OTOGL: variants seen among roughly 807,000 people sequenced by gnomAD.
OTOGL encodes otogelin-like protein.
OTOGL carries 285 observed loss-of-function variants against 318.5 expected under a neutral mutation model. The ratio of observed to expected loss-of-function variants is 0.89; its 90% CI spans 0.81 to 0.99. The LOEUF is 0.99. Ranked by LOEUF, OTOGL falls within the 50% of genes least tolerant of loss-of-function variation. The probability of loss-of-function intolerance (pLI) is 0.00; values close to 1 mark genes in which losing one functional copy is unlikely to be tolerated. For missense variants in OTOGL, 2,899 were observed against 2,845.6 expected, an observed-to-expected ratio of 1.02 and a Z score of -0.43; for synonymous variants, 987 against 936.5, an observed-to-expected ratio of 1.05 and a Z score of -0.99.
At chr12:80,341,050 T>C (rs1888739173) in intron 43 of OTOGL, among the ~76,000 whole-genome samples, 1 of 151,934 alleles carries the variant, frequency 6.6e-6, no homozygotes, top group African/African-American at 2.4e-5. Context: ...TAAGATTTGA[T>C]GTTTGAAGAA....
chr12:80,275,127 C>T (rs923890348), intron 24 of OTOGL, among the ~76,000 whole-genome samples: 1 of 151,872 alleles, frequency 6.6e-6, no homozygotes, highest in Non-Finnish European at 1.5e-5. Flanking sequence ...CAGGGCTATA[C>T]CTGCCATAGA....
chr12:80,315,913 C>A (rs1374313164), intron 32 of OTOGL, among the ~76,000 whole-genome samples: 1 of 152,118 alleles, frequency 6.6e-6, no homozygotes, highest in Non-Finnish European at 1.5e-5. Context: ...CACTTCACAT[C>A]AATCTTTGGA....
intron 1 of OTOGL, among the ~76,000 whole-genome samples, chr12:80,143,663 G>A (rs1050383765): frequency 3.9e-5 from 6 of 152,130 alleles, no homozygotes; most frequent in African/African-American, 1.2e-4. Context: ...TCATTTCAGA[G>A]GTGTTTGTTT....
intron 24 of OTOGL, among the ~76,000 whole-genome samples, chr12:80,273,938 G>A (rs1883602331): frequency 6.6e-6 from 1 of 152,002 alleles, no homozygotes; most frequent in Non-Finnish European, 1.5e-5. Flanking sequence ...TCCACAAATG[G>A]TGCCCATATA....
chr12:80,156,139 A>G (rs1169610522), intron 1 of OTOGL, among the ~76,000 whole-genome samples: 2 of 152,182 alleles, frequency 1.3e-5, no homozygotes, highest in Non-Finnish European at 2.9e-5. Context: ...CGAAAGGCAG[A>G]CCCTATCCTC....
intron 1 of OTOGL, among the ~76,000 whole-genome samples, chr12:80,114,183 AG>A (rs1380940846): frequency 6.6e-6 from 1 of 152,128 alleles, no homozygotes; most frequent in Non-Finnish European, 1.5e-5. Context: ...TGTGCCCGTT[AG>A]TTGATGTAGT....
intron 18 of OTOGL, among the ~76,000 whole-genome samples, chr12:80,258,548 A>G (rs1003476214): frequency 1.3e-5 from 2 of 152,104 alleles, no homozygotes; most frequent in African/African-American, 2.4e-5. Flanking sequence ...ACATATTTGT[A>G]CCCCTTGTAT....
At position 80,342,289 on chromosome 12, in the gene OTOGL, G is replaced by A. The variant is rs1592730886; in HGVS notation, c.5265+127G>A. On this transcript the variant is annotated intron_variant, in intron 44 of 58. Coordinates refer to ENST00000547103, the MANE Select transcript of OTOGL (RefSeq NM_001378609.3). The stretch of plus-strand genomic sequence containing the variant: ...AAAACCCCCAACCTTCTGTCAGTAT[G>A]CTTTGGAATTCAGAATCACTTATTG... 3 of 675,384 alleles carry A rather than the reference G, an allele frequency of 4.4e-6. No individual in the cohort carries two copies. The East Asian group carries it at 8.4e-5, about 19-fold the overall frequency. 41.8% of individuals were successfully genotyped at this position (675,384 alleles called of 1,614,324 possible).
At chr12:80,279,474 T>C (rs1884056929) in intron 26 of OTOGL, among the ~76,000 whole-genome samples, 1 of 151,554 alleles carries the variant, frequency 6.6e-6, no homozygotes, top group East Asian at 1.9e-4. Context: ...TAGGCCCCAA[T>C]GTCTATTATT....
chr12:80,266,727 C>A, intron 21 of OTOGL, 111 bp downstream of exon 21: 1 of 937,022 alleles, frequency 1.1e-6, no homozygotes, highest in Non-Finnish European at 1.5e-6. Context: ...ATTGTCTTTA[C>A]TTTTTTTTTT....
chr12:80,358,213 T>C, intron 49 of OTOGL, 35 bp from the exon 50 acceptor site: 1 of 1,378,560 alleles, frequency 7.3e-7, no homozygotes, highest in Non-Finnish European at 1.0e-6. Flanking sequence ...GGTTTTTAGC[T>C]CAGCTGTGAT....
chr12:80,289,763 C>T (rs1884906770), intron 26 of OTOGL, among the ~76,000 whole-genome samples: 1 of 152,298 alleles, frequency 6.6e-6, no homozygotes, highest in African/African-American at 2.4e-5. Context: ...GGTCAATCGT[C>T]CCAGGTTAAC....
At chr12:80,195,885 G>T (rs1387579813) in intron 1 of OTOGL, among the ~76,000 whole-genome samples, 2 of 152,208 alleles carry the variant, frequency 1.3e-5, no homozygotes, top group African/African-American at 2.4e-5. Context: ...CCCAGTGGAG[G>T]TTGTTAAACG....
intron 1 of OTOGL, among the ~76,000 whole-genome samples, chr12:80,203,791 A>G (rs1219234592): frequency 6.6e-6 from 1 of 152,174 alleles, no homozygotes; most frequent in Non-Finnish European, 1.5e-5. Flanking sequence ...TAATTTTCTC[A>G]AGAAGCTAGA....
At chr12:80,146,159 GT>G (rs1872340816) in intron 1 of OTOGL, among the ~76,000 whole-genome samples, 1 of 148,682 alleles carries the variant, frequency 6.7e-6, no homozygotes, top group Non-Finnish European at 1.5e-5. Flanking sequence ...AATGCTTCCA[GT>G]TTTTGCCCAT....
intron 1 of OTOGL, among the ~76,000 whole-genome samples, chr12:80,200,020 A>G (rs1479871353): frequency 6.6e-6 from 1 of 152,216 alleles, no homozygotes; most frequent in East Asian, 1.9e-4. Flanking sequence ...CTATAAGCAC[A>G]TCAGGAAAAG....
At chr12:80,123,382 T>C (rs1870607215) in intron 1 of OTOGL, among the ~76,000 whole-genome samples, 2 of 152,264 alleles carry the variant, frequency 1.3e-5, no homozygotes, top group South Asian at 2.1e-4. Flanking sequence ...TTTAAGGCTG[T>C]GTAGTATTCT....
chr12:80,194,964 C>T (rs1291111406), intron 1 of OTOGL, among the ~76,000 whole-genome samples: 1 of 152,060 alleles, frequency 6.6e-6, no homozygotes, highest in Non-Finnish European at 1.5e-5. Flanking sequence ...TTTGACTTAA[C>T]CCTATTACTT....
At chr12:80,300,609 C>A (rs745336965) in intron 27 of OTOGL, among the ~76,000 whole-genome samples, 34 of 152,152 alleles carry the variant, frequency 2.2e-4, no homozygotes, top group Non-Finnish European at 4.4e-4. Context: ...GAGCAAGGAA[C>A]CGTCCTTGCT....
Sources: gnomAD v4.1 joint callset for allele counts (sites outside exome capture counted in the v4.1 genomes callset) on GRCh38, gnomAD v4.1.1 for gene constraint, MANE v1.5 for transcripts, NCBI Gene and HGNC (gene_info 2026-07-23, HGNC 2026-07-21) for gene names.